ANKRD44: variants seen among roughly 807,000 people sequenced by gnomAD.
The protein encoded by ANKRD44 is ankyrin repeat domain 44.
ANKRD44 carries 35 observed loss-of-function variants against 116.0 expected under a neutral mutation model. The ratio of observed to expected loss-of-function variants is 0.30; its 90% CI spans 0.23 to 0.40. The LOEUF is 0.40. Among genes scored for constraint, ANKRD44 ranks in the 10% least tolerant of loss-of-function variants. The pLI, the probability that ANKRD44 is intolerant of heterozygous loss-of-function variation, is 1.00. For missense variants in ANKRD44, 1,014 were observed against 1,242.6 expected (o/e 0.82, Z 2.77); for synonymous variants, 435 against 461.8 (o/e 0.94, Z 0.74).
chr2:197,033,128 T>C (rs531395300), intron 16 of ANKRD44, among the ~76,000 whole-genome samples: 20 of 152,204 alleles, frequency 1.3e-4, no homozygotes, highest in Non-Finnish European at 1.9e-4. Context: ...CCACAGTGAA[T>C]GAGGCCACTG....
intron 1 of ANKRD44, among the ~76,000 whole-genome samples, chr2:197,262,225 A>C (rs967134538): frequency 1.3e-5 from 2 of 152,250 alleles, no homozygotes; most frequent in African/African-American, 4.8e-5. Flanking sequence ...GCTTTCTGGC[A>C]GTATCTTCCT....
chr2:197,268,531 T>C (rs1225231832), intron 1 of ANKRD44, among the ~76,000 whole-genome samples: 1 of 152,184 alleles, frequency 6.6e-6, no homozygotes, highest in Non-Finnish European at 1.5e-5. Context: ...TCCCATTTTA[T>C]AGGTGAGGAA....
At chr2:197,001,970 T>C (rs1216396446) in intron 21 of ANKRD44, 130 bp from the exon 22 acceptor site, 17 of 637,750 alleles carry the variant, frequency 2.7e-5, no homozygotes, top group Middle Eastern at 4.3e-4. Flanking sequence ...TCATTCTCCA[T>C]GAAATAATAT....
At chr2:197,072,436 G>C (rs2077580929) in intron 16 of ANKRD44, among the ~76,000 whole-genome samples, 1 of 152,182 alleles carries the variant, frequency 6.6e-6, no homozygotes, top group Non-Finnish European at 1.5e-5. Flanking sequence ...AAATGAGCTG[G>C]TATTGGAAAG....
rs2076190102 is a variant in ANKRD44, at chr2:197,005,755, C to T, written c.2286G>A (p.Glu762=). Residue 762 remains glutamate (E), a synonymous_variant, in exon 21 of 28, where the codon GAG becomes GAA. Transcript: ENST00000282272. ...GGTTATCTTTGAAACAACAGTCCTC[C>T]TCAGAAAGAGCCATTTGGAGCAGCT... ...LSELLQMALS[E]EDCCFKDNQG... 3 of 1,614,248 alleles carry T rather than the reference C, an allele frequency of 1.9e-6. No individual in the cohort carries two copies. The highest frequency in any genetic ancestry group is 2.5e-6 in the Non-Finnish European group (3 of 1,180,042).
intron 1 of ANKRD44, among the ~76,000 whole-genome samples, chr2:197,295,499 T>C (rs983534304): frequency 5.9e-5 from 9 of 152,148 alleles, no homozygotes; most frequent in African/African-American, 1.9e-4. Flanking sequence ...AATCACTTAA[T>C]ATAAAAACTA....
intron 1 of ANKRD44, among the ~76,000 whole-genome samples, chr2:197,198,625 C>G (rs547622647): frequency 5.9e-5 from 9 of 151,872 alleles, no homozygotes; most frequent in Non-Finnish European, 4.4e-5. Flanking sequence ...AACCCCGTCT[C>G]TACTAAAAAT....
At chr2:197,263,585 C>T (rs556356706) in intron 1 of ANKRD44, 1 of 236,682 alleles carries the variant, frequency 4.2e-6, no homozygotes, top group East Asian at 1.1e-4. Flanking sequence ...CTTGTCAGCC[C>T]TGTATGTTTC....
chr2:197,305,690 A>G (rs2084047543), intron 1 of ANKRD44, among the ~76,000 whole-genome samples: 1 of 152,180 alleles, frequency 6.6e-6, no homozygotes, highest in African/African-American at 2.4e-5. Context: ...CGTTGGCTAA[A>G]GAGCCAATCA....
intron 16 of ANKRD44, among the ~76,000 whole-genome samples, chr2:197,075,422 A>G (rs149096242): frequency 7.4e-4 from 112 of 152,278 alleles, no homozygotes; most frequent in African/African-American, 2.6e-3. Flanking sequence ...AAGAAGCTTT[A>G]TTAGCCAAGT....
chr2:197,134,700 T>C (rs535649426), intron 4 of ANKRD44: 1 of 152,336 alleles, frequency 6.6e-6, no homozygotes, highest in African/African-American at 2.4e-5. Context: ...CTTAGTTTTT[T>C]TTTGTAGCTC....
intron 16 of ANKRD44, among the ~76,000 whole-genome samples, chr2:197,028,108 G>C (rs1238595911): frequency 6.6e-6 from 1 of 152,052 alleles, no homozygotes; most frequent in African/African-American, 2.4e-5. Flanking sequence ...TTAAGACATT[G>C]TTTATGTGAA....
At chr2:197,151,912 G>A (rs565134869) in intron 2 of ANKRD44, among the ~76,000 whole-genome samples, 3 of 151,846 alleles carry the variant, frequency 2.0e-5, no homozygotes, top group South Asian at 2.1e-4. Context: ...ATCCATATCC[G>A]AACTGGCCTG....
chr2:197,304,039 C>G (rs1475173874), intron 1 of ANKRD44, among the ~76,000 whole-genome samples: 1 of 152,194 alleles, frequency 6.6e-6, no homozygotes, highest in African/African-American at 2.4e-5. Context: ...GGTGTGGTGG[C>G]TTACCCCTGT....
intron 2 of ANKRD44, among the ~76,000 whole-genome samples, chr2:197,157,340 A>T (rs187382467): frequency 8.5e-5 from 13 of 152,340 alleles, no homozygotes; most frequent in Admixed American, 5.9e-4. Flanking sequence ...AAGTTCTTAC[A>T]AAAGAATGGC....
At chr2:197,288,884 C>T (rs2083480718) in intron 1 of ANKRD44, among the ~76,000 whole-genome samples, 2 of 152,098 alleles carry the variant, frequency 1.3e-5, no homozygotes, top group South Asian at 2.1e-4. Flanking sequence ...ATAACAGATA[C>T]CAGAGGCTGA....
chr2:197,106,572 G>A (rs2078432572), intron 9 of ANKRD44, among the ~76,000 whole-genome samples: 1 of 152,038 alleles, frequency 6.6e-6, no homozygotes, highest in Non-Finnish European at 1.5e-5. Flanking sequence ...GGCAGATCAC[G>A]AGGTCAGGAG....
chr2:197,215,795 CA>C (rs2081429674), intron 1 of ANKRD44, among the ~76,000 whole-genome samples: 1 of 152,174 alleles, frequency 6.6e-6, no homozygotes, highest in Non-Finnish European at 1.5e-5. Context: ...AATCAACCTG[CA>C]ATTAGGACTT....
intron 1 of ANKRD44, among the ~76,000 whole-genome samples, chr2:197,195,129 CTGTTAAACCTGGTGAAT>C (rs1458342570): frequency 2.0e-5 from 3 of 152,180 alleles, no homozygotes; most frequent in African/African-American, 7.2e-5. Context: ...GCACAGGCCA[CTGTTAAACCTGGTGAAT>C]TTTTAATATT....
Sources: gnomAD v4.1 joint callset for allele counts (sites outside exome capture counted in the v4.1 genomes callset) on GRCh38, gnomAD v4.1.1 for gene constraint, MANE v1.5 for transcripts, NCBI Gene and HGNC (gene_info 2026-07-23, HGNC 2026-07-21) for gene names.